The following DLG2 variants were observed in gnomAD, a reference collection of about 807,000 sequenced individuals.
The protein encoded by DLG2 is disks large homolog 2.
DLG2 carries 45 observed loss-of-function variants against 132.5 expected under a neutral mutation model. The ratio of observed to expected loss-of-function variants is 0.34; its 90% CI spans 0.27 to 0.44. The LOEUF is 0.44. Among genes scored for constraint, DLG2 ranks in the 20% least tolerant of loss-of-function variants. The pLI, the probability that DLG2 is intolerant of heterozygous loss-of-function variation, is 1.00. For synonymous variants in DLG2, 424 were observed against 419.6 expected (o/e 1.01, Z -0.13); for missense variants, 1,045 against 1,196.9 (o/e 0.87, Z 1.87).
intron 11 of DLG2, among the ~76,000 whole-genome samples, chr11:84,045,226 T>C (rs2096214716): frequency 6.6e-6 from 1 of 151,772 alleles, no homozygotes; most frequent in African/African-American, 2.4e-5. Flanking sequence ...TATATCTATA[T>C]GTGCTGGGTA....
At chr11:85,499,261 G>A (rs1050913187) in intron 3 of DLG2, among the ~76,000 whole-genome samples, 12 of 152,058 alleles carry the variant, frequency 7.9e-5, no homozygotes, top group Non-Finnish European at 1.3e-4. Flanking sequence ...TGATAAAGGG[G>A]ATATCACCAC....
At chr11:85,000,747 G>A (rs997766820) in intron 6 of DLG2, among the ~76,000 whole-genome samples, 1 of 152,036 alleles carries the variant, frequency 6.6e-6, no homozygotes, top group African/African-American at 2.4e-5. Flanking sequence ...TTATATCCTA[G>A]CTCTGCTCTC....
chr11:85,415,419 C>A (rs1325477939), intron 3 of DLG2, among the ~76,000 whole-genome samples: 1 of 152,106 alleles, frequency 6.6e-6, no homozygotes, highest in African/African-American at 2.4e-5. Flanking sequence ...GTTCTAGATC[C>A]TTGAGGAATT....
chr11:85,506,831 A>G (rs1348782756), intron 3 of DLG2, among the ~76,000 whole-genome samples: 1 of 152,164 alleles, frequency 6.6e-6, no homozygotes, highest in Middle Eastern at 3.2e-3. Flanking sequence ...AAAGCCTCCA[A>G]CTATTACTGT....
chr11:84,616,461 C>T (rs761848217), intron 6 of DLG2, among the ~76,000 whole-genome samples: 7 of 152,124 alleles, frequency 4.6e-5, no homozygotes, highest in Admixed American at 4.6e-4. Flanking sequence ...CATTTTAGCA[C>T]TAATAGTTGC....
chr11:84,234,841 A>G (rs1184631886), intron 8 of DLG2, among the ~76,000 whole-genome samples: 1 of 152,260 alleles, frequency 6.6e-6, no homozygotes, highest in Admixed American at 6.5e-5. Flanking sequence ...ATAATTTGAA[A>G]TGGCCACACA....
At chr11:84,920,711 A>C (rs2092712474) in intron 6 of DLG2, among the ~76,000 whole-genome samples, 1 of 96,214 alleles carries the variant, frequency 1.0e-5, no homozygotes, top group African/African-American at 3.6e-5. Flanking sequence ...ATGTTTGTAA[A>C]TATGTGTGTG....
chr11:84,341,413 T>C (rs2098514069), intron 7 of DLG2, among the ~76,000 whole-genome samples: 1 of 152,170 alleles, frequency 6.6e-6, no homozygotes, highest in East Asian at 1.9e-4. Context: ...GCATGCCTAT[T>C]TTTGTTGGCA....
chr11:84,519,727 A>G (rs575498098), intron 7 of DLG2, among the ~76,000 whole-genome samples: 2 of 152,314 alleles, frequency 1.3e-5, no homozygotes, highest in East Asian at 3.9e-4. Context: ...AAGGACAAGC[A>G]TTCCTTAACC....
intron 7 of DLG2, among the ~76,000 whole-genome samples, chr11:84,313,672 A>AGAAAGAAAGAAAGAAAGAAG (rs1333256876): frequency 6.6e-6 from 1 of 151,850 alleles, no homozygotes; most frequent in Non-Finnish European, 1.5e-5. Context: ...AAAGAAAGAA[A>AGAAAGAAAGAAAGAAAGAAG]GAAAGAAAGA....
intron 11 of DLG2, among the ~76,000 whole-genome samples, chr11:84,046,335 G>C (rs1288944898): frequency 6.6e-6 from 1 of 151,474 alleles, no homozygotes; most frequent in Non-Finnish European, 1.5e-5. Flanking sequence ...CAGAATATTT[G>C]ACATCTTAGA....
At chr11:84,687,119 C>T (rs568451298) in intron 6 of DLG2, 9 of 152,190 alleles carry the variant, frequency 5.9e-5, no homozygotes, top group African/African-American at 2.2e-4. Context: ...TTCTGTTTTC[C>T]TAGTTGGACC....
chr11:84,773,703 T>G (rs1457206808), intron 6 of DLG2, among the ~76,000 whole-genome samples: 1 of 152,108 alleles, frequency 6.6e-6, no homozygotes, highest in Non-Finnish European at 1.5e-5. Context: ...ATCATCTCAA[T>G]ACAGGTGGAA....
intron 6 of DLG2, among the ~76,000 whole-genome samples, chr11:84,639,354 T>G (rs1368511521): frequency 1.3e-5 from 2 of 151,626 alleles, no homozygotes; most frequent in African/African-American, 2.4e-5. Context: ...CTGTGTTTTT[T>G]TTTTTTTTTT....
rs1026969904 is a variant in DLG2 at position 84,432,123 on chromosome 11, A to T, written c.519+102447T>A. On this transcript the variant is annotated intron_variant, in intron 7 of 27. Transcript: ENST00000376104. ...TGCTGTGGGAGCTGATGATAGATCC[A>T]TCCTGGGCTTTAGAGGCCAAGAAAA... is the stretch of plus-strand genomic sequence containing the variant. 5.9e-5 allele frequency among the ~76,000 whole-genome samples: 9 copies of T among 152,218 alleles called. No homozygotes were observed. In the East Asian group the frequency reaches 7.7e-4, roughly 13 times the overall value.
intron 6 of DLG2, among the ~76,000 whole-genome samples, chr11:84,832,295 T>G (rs867089771): frequency 1.3e-5 from 2 of 151,824 alleles, no homozygotes; most frequent in African/African-American, 4.8e-5. Context: ...CACTCAGGTT[T>G]TGTAAGACTG....
At chr11:84,623,607 T>C (rs1565483126) in intron 6 of DLG2, among the ~76,000 whole-genome samples, 1 of 152,218 alleles carries the variant, frequency 6.6e-6, no homozygotes, top group Non-Finnish European at 1.5e-5. Context: ...TGGTCTAAAC[T>C]CTGTACATCA....
At chr11:85,200,117 T>C (rs1179636070) in intron 4 of DLG2, among the ~76,000 whole-genome samples, 3 of 152,098 alleles carry the variant, frequency 2.0e-5, no homozygotes, top group African/African-American at 7.2e-5. Flanking sequence ...AACCCCCCCA[T>C]GGAGCCCAAC....
At position 84,348,424 on chromosome 11, in the gene DLG2, A is replaced by G. The variant is rs77531346; in HGVS notation, c.520-97133T>C. Among the ~76,000 whole-genome samples the G allele has an allele frequency of 6.3e-3, 965 of 152,310 alleles. 12 individuals are homozygous for G. The highest frequency in any genetic ancestry group is 0.022 in the African/African-American group (897 of 41,564). On this transcript the variant is annotated intron_variant, in intron 7 of 27. Coordinates refer to ENST00000376104, the MANE Select transcript of DLG2 (RefSeq NM_001142699.3). The stretch of plus-strand genomic sequence containing the variant: ...GTCTATGTTTTTCTTCTATCCAAGA[A>G]GAAAGATATTCCATGGGATGTTTAT...
Sources: allele counts gnomAD v4.1 joint callset (sites outside exome capture counted in the v4.1 genomes callset), GRCh38; gene constraint gnomAD v4.1.1; transcripts MANE v1.5; gene names NCBI Gene and HGNC (gene_info 2026-07-23, HGNC 2026-07-21).